The following HIP1 variants were observed in gnomAD, a reference collection of about 807,000 sequenced individuals.
HIP1 encodes huntingtin-interacting protein 1.
In HIP1, 65 loss-of-function variants were observed where a neutral mutation model predicts 147.6. The observed-to-expected ratio is 0.44, with a 90% CI of 0.36 to 0.54. The LOEUF is 0.54. Among genes scored for constraint, HIP1 ranks in the 20% least tolerant of loss-of-function variants. HIP1 has a pLI of 0.00. For synonymous variants in HIP1, 479 were observed against 504.0 expected, an observed-to-expected ratio of 0.95 and a Z score of 0.67; for missense variants, 1,061 against 1,299.6, an observed-to-expected ratio of 0.82 and a Z score of 2.82.
intron 22 of HIP1, among the ~76,000 whole-genome samples, chr7:75,551,768 C>T (rs1437711274): frequency 4.6e-5 from 7 of 151,876 alleles, no homozygotes; most frequent in African/African-American, 1.7e-4. Context: ...CAGGGCGCCA[C>T]TAAGTTGCCC....
chr7:75,674,458 G>A (rs1563285757), intron 1 of HIP1, among the ~76,000 whole-genome samples: 1 of 151,774 alleles, frequency 6.6e-6, no homozygotes, highest in Non-Finnish European at 1.5e-5. Context: ...TCATCACTTT[G>A]AATATATCAT....
rs782481508 is a variant in HIP1, at chr7:75,539,429, A to T, written c.2955T>A (p.Val985=). The T allele has an allele frequency of 6.2e-7, 1 of 1,609,000 alleles. No individual in the cohort carries two copies. The change falls in exon 30 of 31, where the codon GTT becomes GTA. Residue 985 remains valine (V), a splice_region_variant and synonymous_variant. Transcript: ENST00000336926. The part of the protein sequence containing the change: ...QIKRQEMDSQ[V]RVLELENELQ... ...ATTCATTTTCTAGCTCTAGCACCCTAACCTGTAAGGGAAATTAAGTGGGAT... is the reference window on the plus strand; with the variant it reads ...ATTCATTTTCTAGCTCTAGCACCCTTACCTGTAAGGGAAATTAAGTGGGAT...
At chr7:75,690,671 T>C (rs1052689184) in intron 1 of HIP1, among the ~76,000 whole-genome samples, 6 of 152,140 alleles carry the variant, frequency 3.9e-5, no homozygotes, top group South Asian at 2.1e-4. Context: ...GAGACCAGCC[T>C]GGCCAACATG....
At chr7:75,703,383 C>T (rs905569518) in intron 1 of HIP1, among the ~76,000 whole-genome samples, 2 of 152,102 alleles carry the variant, frequency 1.3e-5, no homozygotes, top group Non-Finnish European at 2.9e-5. Flanking sequence ...GTGGTTCATG[C>T]CTGTAATCCC....
intron 1 of HIP1, among the ~76,000 whole-genome samples, chr7:75,673,477 A>G (rs4731524): frequency 0.57 from 85,922 of 151,902 alleles, 24,796 homozygotes; most frequent in African/African-American, 0.66. Flanking sequence ...GTCTTGCCAT[A>G]TTAACAATAT....
At position 75,629,329 on chromosome 7, in the gene HIP1, A is replaced by G. The variant is rs587651071; in HGVS notation, c.121-30082T>C. ...TACTAGAGACTTGCTGGTTATTTTT[A>G]ACACAGGCCCTCACACCTGTGCCCA... On this transcript the variant is annotated intron_variant, in intron 1 of 30. Coordinates refer to ENST00000336926, the MANE Select transcript of HIP1 (RefSeq NM_005338.7). Among the ~76,000 whole-genome samples, 8 of 152,148 alleles carry G rather than the reference A, an allele frequency of 5.3e-5. No individual in the cohort carries two copies. The East Asian group carries it at 1.5e-3, about 29-fold the overall frequency.
At chr7:75,565,518 A>T (rs957629034) in intron 9 of HIP1, among the ~76,000 whole-genome samples, 1 of 152,212 alleles carries the variant, frequency 6.6e-6, no homozygotes. Context: ...GGGTACAACC[A>T]CACACTTGTC....
intron 1 of HIP1, among the ~76,000 whole-genome samples, chr7:75,694,459 C>T (rs1800566056): frequency 6.6e-6 from 1 of 151,772 alleles, no homozygotes; most frequent in African/African-American, 2.4e-5. Flanking sequence ...TCATACTGAA[C>T]CTTCTAGATT....
intron 22 of HIP1, among the ~76,000 whole-genome samples, chr7:75,551,125 T>A (rs1360430268): frequency 6.6e-6 from 1 of 151,780 alleles, no homozygotes; most frequent in Non-Finnish European, 1.5e-5. Context: ...GGACTCCATT[T>A]ACCTGTAGTC....
chr7:75,537,999 G>T lies in HIP1; in HGVS notation c.*173C>A. ...AGATGACCATGGGTCCAAACAGAAA[G>T]GGTGTCGCTATGGAGGGAGTCTTTG... On this transcript the variant is annotated 3_prime_UTR_variant, in exon 31 of 31. Coordinates refer to ENST00000336926, the MANE Select transcript of HIP1 (RefSeq NM_005338.7). 1 of 666,440 alleles carries T rather than the reference G, an allele frequency of 1.5e-6. No individual in the cohort carries two copies. The allele number at this position is 666,440 out of a possible 1,614,324, so 41.3% of individuals were successfully genotyped here. A position where few individuals can be genotyped will look rare whatever the true frequency, so the allele number is the denominator to read the frequency against.
intron 8 of HIP1, 23 bp downstream of exon 8, chr7:75,573,738 A>C (rs1487208844): frequency 6.2e-7 from 1 of 1,607,608 alleles, no homozygotes; most frequent in Non-Finnish European, 8.5e-7. Flanking sequence ...CTCATGTAAG[A>C]AGATCTGGCC....
chr7:75,555,889 A>G, intron 18 of HIP1, 137 bp downstream of exon 18: 1 of 1,047,706 alleles, frequency 9.5e-7, no homozygotes, highest in Non-Finnish European at 1.4e-6. Context: ...CATTACACCT[A>G]CAGAATGTCT....
At chr7:75,565,952 G>T (rs190370005) in intron 9 of HIP1, among the ~76,000 whole-genome samples, 2 of 151,186 alleles carry the variant, frequency 1.3e-5, no homozygotes, top group East Asian at 1.9e-4. Flanking sequence ...GACCTCAAGC[G>T]ATCCACTTGC....
chr7:75,687,174 G>A (rs1469053150), intron 1 of HIP1, among the ~76,000 whole-genome samples: 3 of 152,100 alleles, frequency 2.0e-5, no homozygotes, highest in Non-Finnish European at 4.4e-5. Flanking sequence ...AACTTGGGTC[G>A]AATCCTCGAC....
chr7:75,664,491 C>T lies in HIP1; in HGVS notation c.121-65244G>A, dbSNP rs1010097388. Among the ~76,000 whole-genome samples the T allele has an allele frequency of 2.0e-4, 21 of 105,982 alleles. 1 individual carries two copies. Among genetic ancestry groups the T allele is most frequent in the African/African-American group, 8.8e-4 (19 of 21,684 alleles). 69.5% of individuals were successfully genotyped at this position (105,982 alleles called of 152,430 possible). A position where few individuals can be genotyped will look rare whatever the true frequency, so the allele number is the denominator to read the frequency against. On this transcript the variant is annotated intron_variant, in intron 1 of 30. Transcript: ENST00000336926. ...GTGTATACGTATACACACATATATA[C>T]ACATACATATATATGTATGTGTATG...
At chr7:75,572,225 G>GAA (rs5884970) in intron 8 of HIP1, among the ~76,000 whole-genome samples, 19 of 82,758 alleles carry the variant, frequency 2.3e-4, no homozygotes, top group South Asian at 1.9e-3. Flanking sequence ...CTCTGTCTCA[G>GAA]AAAAAAAAAA....
At position 75,581,225 on chromosome 7, in the gene HIP1, GA is replaced by G; in HGVS notation, c.604+11del. ...ATGAGAGCCTGGGTTAGACGGGAGG[GA>G]AGAGACTCACCTGTTTGGAAGAGGT... On this transcript the variant is annotated intron_variant, in intron 7 of 30. Transcript: ENST00000336926. 1 of 1,601,576 alleles carries G rather than the reference GA, an allele frequency of 6.2e-7. No individual in the cohort carries two copies. The highest frequency in any genetic ancestry group is 8.5e-7 in the Non-Finnish European group (1 of 1,170,666).
At chr7:75,655,496 C>A (rs183005257) in intron 1 of HIP1, among the ~76,000 whole-genome samples, 1 of 151,624 alleles carries the variant, frequency 6.6e-6, no homozygotes, top group Non-Finnish European at 1.5e-5. Context: ...GCAGGAGAGT[C>A]GCTGAAATCC....
chr7:75,729,163 GA>G (rs532233329), intron 1 of HIP1, among the ~76,000 whole-genome samples: 112 of 138,370 alleles, frequency 8.1e-4, no homozygotes, highest in East Asian at 1.0e-3. Flanking sequence ...ACTAGAACAG[GA>G]AAAAAAAAAA....
Sources: gnomAD v4.1 joint callset for allele counts (sites outside exome capture counted in the v4.1 genomes callset) on GRCh38, gnomAD v4.1.1 for gene constraint, MANE v1.5 for transcripts, NCBI Gene and HGNC (gene_info 2026-07-23, HGNC 2026-07-21) for gene names.